The following CAB39L variants were observed in gnomAD, a reference collection of about 807,000 sequenced individuals.
CAB39L encodes calcium-binding protein 39-like.
In CAB39L, 23 loss-of-function variants were observed where a neutral mutation model predicts 39.1. That is an observed-to-expected ratio of 0.59 (90% CI 0.42 to 0.83). The LOEUF is 0.83. Ranked by LOEUF, CAB39L falls within the 40% of genes least tolerant of loss-of-function variation. CAB39L has a pLI of 0.00. For missense variants in CAB39L, 366 were observed against 391.9 expected, an observed-to-expected ratio of 0.93 and a Z score of 0.56; for synonymous variants, 126 against 137.2, an observed-to-expected ratio of 0.92 and a Z score of 0.57.
At chr13:49,388,850 A>G (rs767084999) in intron 3 of CAB39L, among the ~76,000 whole-genome samples, 78 of 152,302 alleles carry the variant, frequency 5.1e-4, no homozygotes, top group Non-Finnish European at 9.8e-4. Context: ...AAATAACTCA[A>G]TCAGAGAAGT....
chr13:49,313,341 C>T (rs952723666), intron 10 of CAB39L, among the ~76,000 whole-genome samples: 17 of 152,172 alleles, frequency 1.1e-4, no homozygotes, highest in Non-Finnish European at 8.8e-5. Flanking sequence ...ATTAGCCAGG[C>T]GTGGTGGCGG....
intron 3 of CAB39L, among the ~76,000 whole-genome samples, chr13:49,403,370 AT>A (rs1220578159): frequency 2.0e-5 from 3 of 152,090 alleles, no homozygotes; most frequent in Admixed American, 6.5e-5. Flanking sequence ...CCAGAGTAAA[AT>A]TTTAAAATAT....
At chr13:49,318,121 CA>C (rs1333889900) in intron 10 of CAB39L, among the ~76,000 whole-genome samples, 3 of 151,802 alleles carry the variant, frequency 2.0e-5, no homozygotes, top group African/African-American at 7.3e-5. Flanking sequence ...AAAACAAAAA[CA>C]AAAAACTCTG....
At chr13:49,372,771 C>T (rs898283078) in intron 5 of CAB39L, among the ~76,000 whole-genome samples, 2 of 152,050 alleles carry the variant, frequency 1.3e-5, no homozygotes, top group African/African-American at 4.8e-5. Flanking sequence ...CCTGGGTTCA[C>T]GCCATTCTCC....
chr13:49,358,913 T>C lies in CAB39L; in HGVS notation c.395+801A>G, dbSNP rs957739485. Among the ~76,000 whole-genome samples, 23 of 152,240 alleles carry C rather than the reference T, an allele frequency of 1.5e-4. 1 individual carries two copies. In the South Asian group the frequency reaches 4.8e-3, roughly 32 times the overall value. On this transcript the variant is annotated intron_variant, in intron 6 of 10. Coordinates refer to ENST00000409308, the MANE Select transcript of CAB39L (RefSeq NM_001079670.3). ...GAGACAAAGAACTGCTATTTATTGATATATCTGATTTTTAAACTATGTATT... is the reference window on the plus strand; with the variant it reads ...GAGACAAAGAACTGCTATTTATTGACATATCTGATTTTTAAACTATGTATT...
chr13:49,342,242 T>C (rs1955027576), intron 8 of CAB39L, among the ~76,000 whole-genome samples: 1 of 152,192 alleles, frequency 6.6e-6, no homozygotes, highest in African/African-American at 2.4e-5. Context: ...ATGCCTATTA[T>C]GTGCCCAACT....
chr13:49,410,204 G>T (rs1047759697), intron 3 of CAB39L, among the ~76,000 whole-genome samples: 1 of 152,154 alleles, frequency 6.6e-6, no homozygotes, highest in East Asian at 1.9e-4. Flanking sequence ...CAGGCAGATG[G>T]TGATACTAAT....
intron 3 of CAB39L, among the ~76,000 whole-genome samples, chr13:49,389,049 A>G (rs1235605468): frequency 1.3e-5 from 2 of 152,216 alleles, no homozygotes; most frequent in African/African-American, 4.8e-5. Flanking sequence ...ATAGCCAATC[A>G]AAATAAAAAA....
At position 49,311,835 on chromosome 13, in the gene CAB39L, T is replaced by TA. The variant is rs554162472; in HGVS notation, c.835-843dup. On this transcript the variant is annotated intron_variant, in intron 10 of 10. Coordinates refer to ENST00000409308, the MANE Select transcript of CAB39L (RefSeq NM_001079670.3). ...AAAGAGTAAAAAAGTTTTAAAAAATTAAAAAATAAACTTTTTATAAAAGTA... is the reference window on the plus strand; with the variant it reads ...AAAGAGTAAAAAAGTTTTAAAAAATTAAAAAAATAAACTTTTTATAAAAGTA... Among the ~76,000 whole-genome samples the TA allele has an allele frequency of 2.6e-3, 395 of 152,338 alleles. 2 individuals are homozygous for TA. Among genetic ancestry groups the TA allele is most frequent in the Non-Finnish European group, 4.7e-3 (320 of 68,018 alleles).
intron 1 of CAB39L, among the ~76,000 whole-genome samples, chr13:49,438,945 A>G (rs532694208): frequency 2.0e-5 from 3 of 152,344 alleles, no homozygotes; most frequent in Admixed American, 6.5e-5. Flanking sequence ...AAAGTATTCA[A>G]TAAGTGGCAT....
At chr13:49,333,552 A>ATTTCTTTC (rs1325511943) in intron 9 of CAB39L, among the ~76,000 whole-genome samples, 10 of 134,508 alleles carry the variant, frequency 7.4e-5, no homozygotes, top group Non-Finnish European at 7.9e-5. Context: ...CTAGACCCAC[A>ATTTCTTTC]TTTCTTTCTT....
Position 49,382,791 on chromosome 13 carries a change from A to G in CAB39L, c.111+9T>C. 2 of 1,529,866 alleles carry G rather than the reference A, an allele frequency of 1.3e-6. No individual in the cohort carries two copies. The highest frequency in any genetic ancestry group is 1.8e-6 in the Non-Finnish European group (2 of 1,105,970). The allele number at this position is 1,529,866 out of a possible 1,614,324, so 94.8% of individuals were successfully genotyped here. On this transcript the variant is annotated intron_variant, in intron 4 of 10. Transcript: ENST00000409308. ...ACTTTAATCATAATGTTACTGTTTT[A>G]GCTCTTACCTTGTCTGTCTTTTTGT...
At chr13:49,317,522 G>T (rs1258636415) in intron 10 of CAB39L, among the ~76,000 whole-genome samples, 1 of 152,038 alleles carries the variant, frequency 6.6e-6, no homozygotes, top group Non-Finnish European at 1.5e-5. Context: ...AGAGTGAGAT[G>T]CTGTCTCAAA....
At chr13:49,380,970 G>C (rs4942821) in intron 4 of CAB39L, among the ~76,000 whole-genome samples, 83,019 of 152,048 alleles carry the variant, frequency 0.55, 24,062 homozygotes, top group African/African-American at 0.72. Flanking sequence ...TCTTGTCACC[G>C]AGGCTGGAGT....
chr13:49,369,091 T>G (rs1955843433), intron 5 of CAB39L, among the ~76,000 whole-genome samples: 1 of 152,218 alleles, frequency 6.6e-6, no homozygotes, highest in Admixed American at 6.5e-5. Context: ...TCAACATCAT[T>G]AGTCATTAGA....
At chr13:49,336,102 T>C (rs1324462856) in intron 9 of CAB39L, among the ~76,000 whole-genome samples, 1 of 148,712 alleles carries the variant, frequency 6.7e-6, no homozygotes, top group Non-Finnish European at 1.5e-5. Context: ...ATTGCATCAG[T>C]GGAGCTTCCA....
intron 5 of CAB39L, among the ~76,000 whole-genome samples, chr13:49,367,915 C>T (rs982402284): frequency 4.0e-4 from 56 of 141,546 alleles, no homozygotes; most frequent in African/African-American, 1.5e-3. Context: ...TGGGTGACAG[C>T]GTGAGACCCT....
At chr13:49,330,890 G>A (rs1367603314) in intron 10 of CAB39L, among the ~76,000 whole-genome samples, 3 of 151,846 alleles carry the variant, frequency 2.0e-5, no homozygotes, top group Non-Finnish European at 4.4e-5. Flanking sequence ...CAATGACATA[G>A]GACTATTAAA....
Position 49,377,602 on chromosome 13 carries a change from G to A in CAB39L, c.112-471C>T, listed in dbSNP as rs1417296738. The stretch of plus-strand genomic sequence containing the variant: ...GAGACGGGGTTTCGCTGTGTTGGCC[G>A]GGCAGGTCTCCAGCCCCTAACCGCG... On this transcript the variant is annotated intron_variant, in intron 4 of 10. Transcript: ENST00000409308. 6.8e-5 allele frequency among the ~76,000 whole-genome samples: 6 copies of A among 87,866 alleles called. 2 individuals are homozygous for A. Among genetic ancestry groups the A allele is most frequent in the Non-Finnish European group, 1.1e-4 (5 of 43,892 alleles). 57.6% of individuals were successfully genotyped at this position (87,866 alleles called of 152,430 possible).
Sources: gnomAD v4.1 joint callset for allele counts (sites outside exome capture counted in the v4.1 genomes callset) on GRCh38, gnomAD v4.1.1 for gene constraint, MANE v1.5 for transcripts, NCBI Gene and HGNC (gene_info 2026-07-23, HGNC 2026-07-21) for gene names.